Variants in SHTN1 observed in about 807,000 individuals in gnomAD.
SHTN1 encodes shootin-1.
SHTN1 carries 42 observed loss-of-function variants against 83.1 expected under a neutral mutation model. That is an observed-to-expected ratio of 0.51 (90% confidence interval 0.39 to 0.65). The LOEUF (loss-of-function observed/expected upper bound fraction) is 0.65. Ranked by LOEUF, SHTN1 falls within the 30% of genes least tolerant of loss-of-function variation. The pLI is 0.00. For missense variants in SHTN1, 622 were observed against 737.8 expected (o/e 0.84, Z 1.82); for synonymous variants, 224 against 247.7 (o/e 0.90, Z 0.90).
chr10:116,938,696 G>T (rs535646374), intron 9 of SHTN1, among the ~76,000 whole-genome samples: 1 of 152,230 alleles, frequency 6.6e-6, no homozygotes. Flanking sequence ...CAAGCGCTGC[G>T]CTGGGAAATC....
chr10:116,911,523 C>T, intron 14 of SHTN1: 1 of 1,550,504 alleles, frequency 6.4e-7, no homozygotes, highest in African/African-American at 1.4e-5. Flanking sequence ...AGCTGTGATG[C>T]CAGGATTGGA....
At position 116,989,729 on chromosome 10, in the gene SHTN1, T is replaced by C. The variant is rs1003143; in HGVS notation, c.59-10421A>G. On this transcript the variant is annotated intron_variant, in intron 1 of 16. Transcript: ENST00000355371. ...CCTTTGTCCTATCACTTCTCTAAAA[T>C]GAAGTGTTCTTTGTTGAAGATGGTA... Among the ~76,000 whole-genome samples the C allele has an allele frequency of 2.8e-3, 434 of 152,324 alleles. 3 individuals are homozygous for C. Among genetic ancestry groups the C allele is most frequent in the African/African-American group, 9.8e-3 (406 of 41,576 alleles).
rs999565665 is a variant in SHTN1, at chr10:116,906,029, G to A, written c.1480+598C>T. ...GTCACTCAGTTCACAGGCAGGCACA[G>A]TAAGTTAATGGATACAAAGAGTAAA... On this transcript the variant is annotated intron_variant, in intron 15 of 16. Transcript: ENST00000355371. 3.9e-5 allele frequency among the ~76,000 whole-genome samples: 6 copies of A among 152,346 alleles called. No homozygotes were observed. The South Asian group carries it at 1.2e-3, about 32-fold the overall frequency.
chr10:116,945,868 A>G (rs1189460665), intron 7 of SHTN1, among the ~76,000 whole-genome samples: 1 of 152,198 alleles, frequency 6.6e-6, no homozygotes, highest in Non-Finnish European at 1.5e-5. Flanking sequence ...ATTTTAGTGT[A>G]GTCATCTAAT....
chr10:117,060,554 AT>A (rs1202222582), intron 1 of SHTN1, among the ~76,000 whole-genome samples: 5 of 152,230 alleles, frequency 3.3e-5, no homozygotes, highest in Non-Finnish European at 7.3e-5. Flanking sequence ...ACTTCAAAGA[AT>A]TAATAAACAG....
intron 7 of SHTN1, among the ~76,000 whole-genome samples, chr10:116,947,010 C>T (rs1213372538): frequency 6.6e-6 from 1 of 151,900 alleles, no homozygotes; most frequent in Non-Finnish European, 1.5e-5. Flanking sequence ...TGTGAGCCAC[C>T]GCGCCTGGAC....
upstream of SHTN1, chr10:117,005,318 T>C (rs7906476): frequency 7.3e-7 from 1 of 1,364,010 alleles, no homozygotes; most frequent in Non-Finnish European, 9.5e-7. Flanking sequence ...GCAGTCCCGT[T>C]CAGGGGGTGG....
chr10:116,950,998 G>A (rs1370909585), intron 6 of SHTN1, among the ~76,000 whole-genome samples: 2 of 152,184 alleles, frequency 1.3e-5, no homozygotes, highest in Non-Finnish European at 2.9e-5. Context: ...CATCAGTTGG[G>A]AAGTGCTGGG....
chr10:117,061,001 C>T (rs1171403912), intron 1 of SHTN1, among the ~76,000 whole-genome samples: 1 of 152,102 alleles, frequency 6.6e-6, no homozygotes, highest in Non-Finnish European at 1.5e-5. Flanking sequence ...TATAGGAATC[C>T]AATTGGGAAG....
chr10:117,098,150 A>G lies in SHTN1; in HGVS notation c.-189+28157T>C, dbSNP rs577093009. 7.5e-4 allele frequency among the ~76,000 whole-genome samples: 113 copies of G among 150,122 alleles called. 2 individuals are homozygous for G. In the South Asian group the frequency reaches 0.023, roughly 30 times the overall value. On this transcript the variant is annotated intron_variant, in intron 1 of 17. Coordinates refer to the SHTN1 transcript ENST00000392901. ...ACGCCTGTAATCCCAGCACTTTGGGAGGCCAAGAAGGGCGGATCACGAGGT... is the reference window on the plus strand; with the variant it reads ...ACGCCTGTAATCCCAGCACTTTGGGGGGCCAAGAAGGGCGGATCACGAGGT...
At position 116,937,286 on chromosome 10, in the gene SHTN1, G is replaced by A. The variant is rs192421926; in HGVS notation, c.858+3180C>T. Among the ~76,000 whole-genome samples the A allele has an allele frequency of 4.4e-3, 666 of 152,256 alleles. 1 individual carries two copies. Among genetic ancestry groups the A allele is most frequent in the Non-Finnish European group, 6.5e-3 (441 of 68,016 alleles). ...AGTCTTTACAATTTGGTATGTTTTT[G>A]CAGTAGCTGGTACCAGTCTTTCCTT... is the stretch of plus-strand genomic sequence containing the variant. On this transcript the variant is annotated intron_variant, in intron 9 of 16. Coordinates refer to ENST00000355371, the MANE Select transcript of SHTN1 (RefSeq NM_001127211.3).
intron 11 of SHTN1, 49 bp from the exon 12 acceptor site, chr10:116,921,565 C>G (rs1321206351): frequency 1.5e-6 from 2 of 1,343,112 alleles, no homozygotes; most frequent in South Asian, 2.5e-5. Context: ...ATGCCTAGAT[C>G]CTAAATAACC....
intron 2 of SHTN1, among the ~76,000 whole-genome samples, chr10:117,022,830 AGAATCACTT>A (rs1852283058): frequency 6.6e-6 from 1 of 152,192 alleles, no homozygotes; most frequent in Non-Finnish European, 1.5e-5. Context: ...CTGAGGCAGG[AGAATCACTT>A]GAAGGGAAGG....
chr10:116,961,051 T>C (rs1342555244), intron 3 of SHTN1, among the ~76,000 whole-genome samples: 1 of 152,030 alleles, frequency 6.6e-6, no homozygotes, highest in Non-Finnish European at 1.5e-5. Context: ...CCCATATTTC[T>C]AGTTAAATGA....
intron 4 of SHTN1, among the ~76,000 whole-genome samples, chr10:116,956,159 C>G (rs907412453): frequency 6.6e-6 from 1 of 152,230 alleles, no homozygotes; most frequent in Non-Finnish European, 1.5e-5. Flanking sequence ...CTCTGGCCAT[C>G]AGAATCTCTG....
At chr10:116,940,746 A>G in intron 8 of SHTN1, 134 bp from the exon 9 acceptor site, 1 of 604,864 alleles carries the variant, frequency 1.7e-6, no homozygotes, top group South Asian at 3.1e-5. Flanking sequence ...TATAAGTTTT[A>G]GAAGTAGTGA....
chr10:117,066,629 T>C (rs1853005740), intron 1 of SHTN1, among the ~76,000 whole-genome samples: 1 of 152,232 alleles, frequency 6.6e-6, no homozygotes, highest in African/African-American at 2.4e-5. Flanking sequence ...CTATACTACC[T>C]TATTTCCATG....
chr10:116,883,493 CT>C lies in SHTN1; in HGVS notation c.*2850del, dbSNP rs1847080961. 1 of 152,188 alleles carries C rather than the reference CT, an allele frequency of 6.6e-6. No individual in the cohort carries two copies. Among genetic ancestry groups the C allele is most frequent in the Admixed American group, 6.5e-5 (1 of 15,286 alleles). 9.4% of individuals were successfully genotyped at this position (152,188 alleles called of 1,614,324 possible). A position where few individuals can be genotyped will look rare whatever the true frequency, so the allele number is the denominator to read the frequency against. On this transcript the variant is annotated 3_prime_UTR_variant, in exon 17 of 17. Transcript: ENST00000355371. ...ACAGATGGTTATCCATTCTCGACAACTTACTGGTATATAAGCTAATGTTGTT... is the reference window on the plus strand; with the variant it reads ...ACAGATGGTTATCCATTCTCGACAACTACTGGTATATAAGCTAATGTTGTT...
intron 16 of SHTN1, among the ~76,000 whole-genome samples, chr10:116,888,216 A>C (rs1589773868): frequency 1.3e-5 from 2 of 152,352 alleles, no homozygotes; most frequent in East Asian, 3.9e-4. Context: ...GACATTGTCC[A>C]TCTACCTTGG....
Sources: allele counts gnomAD v4.1 joint callset (sites outside exome capture counted in the v4.1 genomes callset), GRCh38; gene constraint gnomAD v4.1.1; transcripts MANE v1.5; gene names NCBI Gene and HGNC (gene_info 2026-07-23, HGNC 2026-07-21).